HR: variants seen among roughly 807,000 people sequenced by gnomAD.
HR encodes the protein lysine-specific demethylase hairless.
HR carries 83 observed loss-of-function variants against 128.6 expected under a neutral mutation model. The observed-to-expected ratio is 0.65, with a 90% CI of 0.54 to 0.77. The LOEUF (loss-of-function observed/expected upper bound fraction) is 0.77, where lower values mean the gene tolerates loss of function less well. Among genes scored for constraint, HR ranks in the 30% least tolerant of loss-of-function variants. The probability of loss-of-function intolerance (pLI) is 0.00; values close to 1 mark genes in which losing one functional copy is unlikely to be tolerated. For synonymous variants in HR, 681 were observed against 658.2 expected, an observed-to-expected ratio of 1.03 and a Z score of -0.53; for missense variants, 1,490 against 1,574.6, an observed-to-expected ratio of 0.95 and a Z score of 0.91.
chr8:22,122,422 G>T lies in HR; in HGVS notation c.2121+71C>A, dbSNP rs906295048. ...TCTTCATCCCCACCAAGAAAAGGGG[G>T]GGCCAAACCCCTGCAAAGGTCAGCC... On this transcript the variant is annotated intron_variant, in intron 8 of 18. Coordinates refer to ENST00000381418, the MANE Select transcript of HR (RefSeq NM_005144.5). 53 of 1,090,574 alleles carry T rather than the reference G, an allele frequency of 4.9e-5. No homozygotes were observed. In the African/African-American group the frequency reaches 7.1e-4, roughly 15 times the overall value. The allele number at this position is 1,090,574 out of a possible 1,614,324, so 67.6% of individuals were successfully genotyped here. A position where few individuals can be genotyped will look rare whatever the true frequency, so the allele number is the denominator to read the frequency against.
chr8:22,125,152 T>C (rs1193981646), intron 5 of HR, among the ~76,000 whole-genome samples, 159 bp downstream of exon 5: 1 of 152,242 alleles, frequency 6.6e-6, no homozygotes. Context: ...AGAACTGGGC[T>C]GTACCCAGTT....
chr8:22,125,410 T>C lies in HR; in HGVS notation c.1651A>G (p.Ser551Gly). ...AGCAGGTGCTTGGCGAGGCCTGTGCTGAGCCGGCTGTCAGGGCCGGACCCT... is the reference window on the plus strand; with the variant it reads ...AGCAGGTGCTTGGCGAGGCCTGTGCCGAGCCGGCTGTCAGGGCCGGACCCT... ...GPGSGPDSRL[S>G]TGLAKHLLSG... Residue 551 changes from serine to glycine, a missense_variant, in exon 5 of 19, where the codon AGC becomes GGC. Around this residue, in one of 3 missense-constraint regions of HR, gnomAD observed 1,060 missense variants for 1,060.9 expected, o/e 1.00. Coordinates refer to ENST00000381418, the MANE Select transcript of HR (RefSeq NM_005144.5). The C allele has an allele frequency of 6.2e-7, 1 of 1,612,694 alleles. No homozygotes were observed. The highest frequency in any genetic ancestry group is 1.7e-4 in the Middle Eastern group (1 of 6,058).
At position 22,125,342 on chromosome 8, in the gene HR, C is replaced by G. The variant is rs868553349; in HGVS notation, c.1719G>C (p.Glu573Asp). ...GDRLCRLLRREREALAWAQRE... is the reference protein window; with the variant it reads ...GDRLCRLLRRDREALAWAQRE... ...GCTGGGCCCAAGCCAGGGCCTCCCGCTCCCTCCGCAGCAGGCGGCACAGTC... is the reference window on the plus strand; with the variant it reads ...GCTGGGCCCAAGCCAGGGCCTCCCGGTCCCTCCGCAGCAGGCGGCACAGTC... Residue 573 changes from glutamate (E) to aspartate (D), a missense_variant, in exon 5 of 19, where the codon GAG becomes GAC. Transcript: ENST00000381418. 1.3e-6 allele frequency: 2 copies of G among 1,597,104 alleles called. No individual in the cohort carries two copies. Among genetic ancestry groups the G allele is most frequent in the African/African-American group, 2.7e-5 (2 of 74,846 alleles).
intron 5 of HR, among the ~76,000 whole-genome samples, chr8:22,124,387 G>A (rs938717637): frequency 6.6e-6 from 1 of 152,206 alleles, no homozygotes; most frequent in Non-Finnish European, 1.5e-5. Flanking sequence ...GAGCCACCGC[G>A]CCCAGCCAGG....
Position 22,119,848 on chromosome 8 carries a change from G to A in HR, c.2889C>T (p.Cys963=), listed in dbSNP as rs144482432. The A allele has an allele frequency of 1.6e-4, 253 of 1,613,816 alleles. 2 individuals are homozygous for A. The African/African-American group carries it at 2.3e-3, about 15-fold the overall frequency. The change falls in exon 14 of 19, where the codon TGC becomes TGT. Residue 963 remains cysteine, a synonymous_variant. Transcript: ENST00000381418. ...CCAGGTTGAGTTTTCCATGGAGGGC[G>A]CAGTACTCCGGAAGTGGCAGACTGG... ...LAASLPLPEY[C]ALHGKLNLAS... is the part of the protein sequence containing the mutation.
Position 22,118,966 on chromosome 8 carries a change from C to G in HR, c.3197G>C (p.Arg1066Pro). Residue 1066 changes from arginine to proline, a missense_variant, in exon 16 of 19, where the codon CGC becomes CCC. Arg to Pro is a moderately radical substitution (Grantham distance 103). Coordinates refer to ENST00000381418, the MANE Select transcript of HR (RefSeq NM_005144.5). ...CCTCCTCACCATCTGGAGAAAGCGG[C>G]GGATGCGCTGGGCGTCCTGTGCCCG... ...VFRAQDAQRI[R>P]RFLQMVCPAG... is the part of the protein sequence containing the mutation. 6.2e-7 allele frequency: 1 copy of G among 1,611,652 alleles called. No individual in the cohort carries two copies. The highest frequency in any genetic ancestry group is 8.5e-7 in the Non-Finnish European group (1 of 1,179,964).
chr8:22,129,309 G>C, intron 1 of HR, 99 bp from the exon 2 acceptor site: 1 of 1,019,828 alleles, frequency 9.8e-7, no homozygotes, highest in Non-Finnish European at 1.4e-6. Flanking sequence ...CACTGAGGCA[G>C]CTCAAACCAG....
chr8:22,123,733 G>T lies in HR; in HGVS notation c.1831C>A (p.His611Asn). 6.3e-7 allele frequency: 1 copy of T among 1,594,794 alleles called. No homozygotes were observed. The highest frequency in any genetic ancestry group is 2.3e-5 in the East Asian group (1 of 44,404). ...SRCHHGLFNT[H>N]WRCPRCSHRL... is the part of the protein sequence containing the mutation. ...TGGCTGCAGCGGGGACATCGCCAGT[G>T]GGTGTTGAAGAGTCCATGGTGGCAA... Residue 611 changes from histidine (H) to asparagine (N), a missense_variant, in exon 6 of 19, where the codon CAC becomes AAC. By Grantham distance (68) the His-to-Asn change is moderately conservative (BLOSUM62 1). Coordinates refer to ENST00000381418, the MANE Select transcript of HR (RefSeq NM_005144.5).
chr8:22,128,280 A>T (rs1826954043), intron 2 of HR: 1 of 566,684 alleles, frequency 1.8e-6, no homozygotes, highest in Non-Finnish European at 3.2e-6. Flanking sequence ...GACAAGCCAC[A>T]CATTCCAAGG....
chr8:22,118,803 G>T (rs1826656049), intron 16 of HR, 147 bp downstream of exon 16: 2 of 680,990 alleles, frequency 2.9e-6, no homozygotes, highest in African/African-American at 1.8e-5. Flanking sequence ...TGCCTTCTCT[G>T]CACCTGTCTG....
intron 6 of HR, 32 bp downstream of exon 6, chr8:22,123,617 T>TGGGGGGGGG: frequency 2.3e-4 from 67 of 292,004 alleles, no homozygotes; most frequent in Middle Eastern, 1.3e-3. Flanking sequence ...GAGGGCTCCA[T>TGGGGGGGGG]CCCGCCCTCC....
rs199743172 is a variant in HR at position 22,119,776 on chromosome 8, C to G, written c.2961G>C (p.Gln987His). Residue 987 changes from glutamine to histidine, a missense_variant, in exon 14 of 19, where the codon CAG becomes CAC. Gln to His is a conservative substitution (Grantham distance 24). Coordinates refer to ENST00000381418, the MANE Select transcript of HR (RefSeq NM_005144.5). ...PGLALRPLEP[Q>H]LWAAYGVSPH... ...GACACTCACCATAGGCTGCCCAGAG[C>G]TGGGGCTCCAGTGGACGCAGGGCAA... 1.9e-5 allele frequency: 30 copies of G among 1,612,146 alleles called. No individual in the cohort carries two copies. In the East Asian group the frequency reaches 5.6e-4, roughly 30 times the overall value.
At chr8:22,123,617 T>TGGGGGGCCCCCCCCCCCC in intron 6 of HR, 32 bp downstream of exon 6, 1 of 292,092 alleles carries the variant, frequency 3.4e-6, no homozygotes. Flanking sequence ...GAGGGCTCCA[T>TGGGGGGCCCCCCCCCCCC]CCCGCCCTCC....
rs1208787294 is a variant in HR at position 22,120,413 on chromosome 8, C to G, written c.2705G>C (p.Ser902Thr). ...GALGGQVQAL[S>T]PLGPPQPSSL... ...GCTGGGCTGGGGAGGTCCGAGGGGG[C>G]TCAGCGCCTGCACCTGGCCTCCAAG... The change falls in exon 12 of 19, where the codon AGC becomes ACC. Residue 902 changes from serine to threonine, a missense_variant. By Grantham distance (58) the Ser-to-Thr change is moderately conservative. Around this residue, in one of 3 missense-constraint regions of HR, gnomAD observed 423 missense variants for 495.9 expected, o/e 0.85. Transcript: ENST00000381418. 1.2e-6 allele frequency: 2 copies of G among 1,613,984 alleles called. No individual in the cohort carries two copies. Among genetic ancestry groups the G allele is most frequent in the Admixed American group, 1.7e-5 (1 of 60,032 alleles).
At chr8:22,127,978 T>C (rs543195607) in intron 2 of HR, 149 bp from the exon 3 acceptor site, 1 of 816,062 alleles carries the variant, frequency 1.2e-6, no homozygotes, top group Admixed American at 2.0e-5. Context: ...GTCTCTGGAG[T>C]GCCTCTGACA....
chr8:22,119,134 C>T, intron 15 of HR, 30 bp downstream of exon 15: 2 of 1,613,736 alleles, frequency 1.2e-6, no homozygotes, highest in Non-Finnish European at 1.7e-6. Flanking sequence ...TGTAGCTTGT[C>T]CCCGCTCCTG....
In HR at chr8:22,128,568, T is replaced by G. The variant is rs754422241; in HGVS notation, c.603A>C (p.Leu201Phe). 1 of 1,611,484 alleles carries G rather than the reference T, an allele frequency of 6.2e-7. No homozygotes were observed. Among genetic ancestry groups the G allele is most frequent in the African/African-American group, 1.3e-5 (1 of 74,932 alleles). Residue 201 changes from leucine to phenylalanine, a missense_variant, in exon 2 of 19, where the codon TTA (leucine) becomes TTC (phenylalanine). Leu to Phe is a conservative substitution (Grantham distance 22). Transcript: ENST00000381418. ...GQPKVPSAFSLGSKGFYYKDP... is the reference protein window; with the variant it reads ...GQPKVPSAFSFGSKGFYYKDP... Reference sequence around the variant, plus strand: ...CTGCCCCTGCACTCACCTTGCTGCCTAAGCTGAAGGCAGAGGGCACTTTGG... The same window carrying G: ...CTGCCCCTGCACTCACCTTGCTGCCGAAGCTGAAGGCAGAGGGCACTTTGG...
rs1201583197 is a variant in HR at position 22,125,474 on chromosome 8, C to T, written c.1587G>A (p.Glu529=). 1 of 1,613,486 alleles carries T rather than the reference C, an allele frequency of 6.2e-7. No homozygotes were observed. Among genetic ancestry groups the T allele is most frequent in the African/African-American group, 1.3e-5 (1 of 74,950 alleles). ...AGCTGGAGTTGGTGGCTGTGTCTTC[C>T]TCCTGCTGCAGCTCCCCTCCCAGAG... ...RSPLGGELQQ[E]EDTATNSSSE... The change falls in exon 5 of 19, where the codon GAG becomes GAA. Residue 529 remains glutamate, a synonymous_variant. Transcript: ENST00000381418.
rs376410706 is a variant in HR at position 22,123,685 on chromosome 8, G to A, written c.1879C>T (p.Arg627Cys). 11 of 1,299,034 alleles carry A rather than the reference G, an allele frequency of 8.5e-6. No homozygotes were observed. Among genetic ancestry groups the A allele is most frequent in the Non-Finnish European group, 1.1e-5 (11 of 1,001,908 alleles). The allele number at this position is 1,299,034 out of a possible 1,614,324, so 80.5% of individuals were successfully genotyped here. Residue 627 changes from arginine to cysteine, a missense_variant, in exon 6 of 19, where the codon CGT becomes TGT. By Grantham distance (180) the Arg-to-Cys change is radical. Coordinates refer to ENST00000381418, the MANE Select transcript of HR (RefSeq NM_005144.5). Reference sequence around the variant, plus strand: ...CTGGCCCGCCCAGTGCCTGCCACACGACCACAGGCCACACACAGCCGGTGG... The same window carrying A: ...CTGGCCCGCCCAGTGCCTGCCACACAACCACAGGCCACACACAGCCGGTGG... ...CSHRLCVACG[R>C]VAGTGRAREK...
Sources: allele counts gnomAD v4.1 joint callset (sites outside exome capture counted in the v4.1 genomes callset), GRCh38; gene constraint gnomAD v4.1.1; regional missense constraint gnomAD v4.1.1; transcripts MANE v1.5; gene names NCBI Gene and HGNC (gene_info 2026-07-23, HGNC 2026-07-21).